MYT1L: variants seen among roughly 807,000 people sequenced by gnomAD.
MYT1L encodes the protein myelin transcription factor 1 like, also known as myelin transcription factor 1-like protein.
MYT1L carries 12 observed loss-of-function variants against 126.7 expected under a neutral mutation model. The ratio of observed to expected loss-of-function variants is 0.09; its 90% CI spans 0.06 to 0.15. MYT1L has a LOEUF of 0.15. Ranked by LOEUF, MYT1L falls within the 10% of genes least tolerant of loss-of-function variation. The pLI is 1.00. For synonymous variants in MYT1L, 541 were observed against 604.2 expected, an observed-to-expected ratio of 0.90 and a Z score of 1.53; for missense variants, 979 against 1,585.2, an observed-to-expected ratio of 0.62 and a Z score of 6.49.
At chr2:1,968,353 C>A (rs978739421) in intron 8 of MYT1L, among the ~76,000 whole-genome samples, 1 of 152,122 alleles carries the variant, frequency 6.6e-6, no homozygotes, top group Non-Finnish European at 1.5e-5. Flanking sequence ...ACAAGGTGAT[C>A]CAGGCATCGC....
At chr2:2,304,865 A>G (rs914743336) in intron 1 of MYT1L, among the ~76,000 whole-genome samples, 11 of 152,192 alleles carry the variant, frequency 7.2e-5, no homozygotes, top group African/African-American at 2.4e-4. Context: ...GGAAGAAACG[A>G]TCACTAAGAA....
intron 8 of MYT1L, among the ~76,000 whole-genome samples, chr2:1,954,448 T>G (rs1196287322): frequency 6.6e-6 from 1 of 152,194 alleles, no homozygotes; most frequent in African/African-American, 2.4e-5. Context: ...TTTGTGACCA[T>G]GCATACGTCC....
At position 1,938,299 on chromosome 2, in the gene MYT1L, C is replaced by A. The variant is rs2056241774; in HGVS notation, c.505+4683G>T. 2.6e-5 allele frequency among the ~76,000 whole-genome samples: 4 copies of A among 152,232 alleles called. No individual in the cohort carries two copies. In the South Asian group the frequency reaches 8.3e-4, roughly 32 times the overall value. On this transcript the variant is annotated intron_variant, in intron 9 of 24. Coordinates refer to ENST00000647738, the MANE Select transcript of MYT1L (RefSeq NM_001303052.2). ...TTATATATCCATTTACTATATATTT[C>A]TCAAATCACATGAATCCAAAAAATA... is the stretch of plus-strand genomic sequence containing the variant.
At chr2:2,200,774 G>C (rs898122628) in intron 2 of MYT1L, among the ~76,000 whole-genome samples, 5 of 152,290 alleles carry the variant, frequency 3.3e-5, no homozygotes, top group Middle Eastern at 3.4e-3. Context: ...GAAAGCCCAG[G>C]GGGTTGCGCT....
At chr2:2,143,498 G>C (rs1192498856) in intron 3 of MYT1L, among the ~76,000 whole-genome samples, 1 of 152,046 alleles carries the variant, frequency 6.6e-6, no homozygotes, top group African/African-American at 2.4e-5. Flanking sequence ...GTTTATCTTA[G>C]ACTCTCAAGT....
chr2:2,094,644 C>T (rs1489744445), intron 3 of MYT1L, among the ~76,000 whole-genome samples: 1 of 151,932 alleles, frequency 6.6e-6, no homozygotes, highest in African/African-American at 2.4e-5. Context: ...AAGCTGGAAA[C>T]CATCATTCTC....
At chr2:2,272,858 C>G (rs893521221) in intron 2 of MYT1L, among the ~76,000 whole-genome samples, 17 of 152,152 alleles carry the variant, frequency 1.1e-4, no homozygotes, top group Admixed American at 4.6e-4. Context: ...ACAACTGGGT[C>G]AGGAAATCCT....
chr2:1,802,663 A>G (rs1254280486), intron 22 of MYT1L, among the ~76,000 whole-genome samples: 4 of 152,108 alleles, frequency 2.6e-5, no homozygotes, highest in Non-Finnish European at 5.9e-5. Context: ...GCCCATATTT[A>G]CAAAGGCCAT....
chr2:1,818,621 G>A (rs562498263), intron 21 of MYT1L, among the ~76,000 whole-genome samples: 1 of 152,222 alleles, frequency 6.6e-6, no homozygotes, highest in South Asian at 2.1e-4. Context: ...AGCCTGTCCT[G>A]CATTTGCCCC....
intron 1 of MYT1L, among the ~76,000 whole-genome samples, chr2:2,313,716 A>G (rs2096014780): frequency 1.3e-5 from 2 of 152,138 alleles, no homozygotes; most frequent in South Asian, 4.1e-4. Flanking sequence ...TTTAAGTAAA[A>G]TATGATTTAT....
At chr2:2,222,861 C>T (rs986601351) in intron 2 of MYT1L, among the ~76,000 whole-genome samples, 9 of 152,154 alleles carry the variant, frequency 5.9e-5, no homozygotes, top group Non-Finnish European at 1.2e-4. Flanking sequence ...TAAACTCTTA[C>T]AACTACCTCC....
At position 1,891,985 on chromosome 2, in the gene MYT1L, G is replaced by T. The variant is rs745313291; in HGVS notation, c.2283+52C>A. The T allele has an allele frequency of 1.2e-4, 171 of 1,454,144 alleles. 1 individual carries two copies. The highest frequency in any genetic ancestry group is 1.5e-4 in the Non-Finnish European group (171 of 1,107,258). 90.1% of individuals were successfully genotyped at this position (1,454,144 alleles called of 1,614,324 possible). Reference sequence around the variant, plus strand: ...CGCGTGTCTCGGTGGCTGGGTCCGCGGCCCGGCCTCCCCCACCCGCCAGGT... The same window carrying T: ...CGCGTGTCTCGGTGGCTGGGTCCGCTGCCCGGCCTCCCCCACCCGCCAGGT... On this transcript the variant is annotated intron_variant, in intron 15 of 24. Coordinates refer to ENST00000647738, the MANE Select transcript of MYT1L (RefSeq NM_001303052.2).
intron 14 of MYT1L, among the ~76,000 whole-genome samples, chr2:1,895,228 T>C (rs2049424361): frequency 6.6e-6 from 1 of 152,104 alleles, no homozygotes; most frequent in African/African-American, 2.4e-5. Context: ...AATGGAAAAA[T>C]GTCTCATGTT....
chr2:2,150,052 T>A (rs2085494305), intron 3 of MYT1L, among the ~76,000 whole-genome samples: 1 of 152,174 alleles, frequency 6.6e-6, no homozygotes, highest in African/African-American at 2.4e-5. Flanking sequence ...GCCTCTCTCT[T>A]TGGGCTCTGC....
In MYT1L at chr2:1,910,454, G is replaced by A. The variant is rs528001071; in HGVS notation, c.1710-107C>T. Reference sequence around the variant, plus strand: ...TGATGCAGGTGGAGCTGGTGAGGGAGGGGTAGTTTCCCAAACCTGGCACAG... The same window carrying A: ...TGATGCAGGTGGAGCTGGTGAGGGAAGGGTAGTTTCCCAAACCTGGCACAG... On this transcript the variant is annotated intron_variant, in intron 12 of 24. Transcript: ENST00000647738. This position sits in a 1 kb window ranked among gnomAD's most constrained non-coding sequence, Gnocchi z 4.8. 1.4e-5 allele frequency: 15 copies of A among 1,054,928 alleles called. No homozygotes were observed. In the South Asian group the frequency reaches 2.2e-4, roughly 15 times the overall value. The allele number at this position is 1,054,928 out of a possible 1,614,324, so 65.3% of individuals were successfully genotyped here.
chr2:2,102,923 T>C (rs1172320781), intron 3 of MYT1L, among the ~76,000 whole-genome samples: 2 of 151,904 alleles, frequency 1.3e-5, no homozygotes, highest in Non-Finnish European at 2.9e-5. Flanking sequence ...TATATTAATA[T>C]ATAATGTCAT....
At chr2:1,992,426 C>A (rs1168380564) in intron 5 of MYT1L, among the ~76,000 whole-genome samples, 1 of 152,166 alleles carries the variant, frequency 6.6e-6, no homozygotes, top group East Asian at 1.9e-4. Context: ...GGGAGCATTG[C>A]TGGAGTCCCC....
At chr2:1,976,058 C>T (rs2060154536) in intron 8 of MYT1L, among the ~76,000 whole-genome samples, 1 of 120,622 alleles carries the variant, frequency 8.3e-6, no homozygotes. Flanking sequence ...AGTGTATGAG[C>T]AAAATGAACT....
intron 1 of MYT1L, among the ~76,000 whole-genome samples, chr2:2,310,776 G>T (rs2095954338): frequency 6.6e-6 from 1 of 151,906 alleles, no homozygotes; most frequent in Admixed American, 6.6e-5. Flanking sequence ...TTCCCTGTTG[G>T]TCTATAAAAT....
Sources: allele counts gnomAD v4.1 joint callset (sites outside exome capture counted in the v4.1 genomes callset), GRCh38; gene constraint gnomAD v4.1.1; non-coding constraint Gnocchi (gnomAD v3.1); transcripts MANE v1.5; gene names NCBI Gene and HGNC (gene_info 2026-07-23, HGNC 2026-07-21).